The following ZBTB39 variants were observed in gnomAD, a reference collection of about 807,000 sequenced individuals.
ZBTB39 encodes the protein zinc finger and BTB domain-containing protein 39.
Under a neutral mutation model 39.4 loss-of-function variants are expected in ZBTB39, and 25 were observed. That is an observed-to-expected ratio of 0.63 (90% CI 0.46 to 0.89). The LOEUF is 0.89. ZBTB39 is among the 40% of genes least tolerant of loss of function. The pLI, the probability that ZBTB39 is intolerant of heterozygous loss-of-function variation, is 0.00. For synonymous variants in ZBTB39, 373 were observed against 359.6 expected, an observed-to-expected ratio of 1.04 and a Z score of -0.42; for missense variants, 891 against 909.7, an observed-to-expected ratio of 0.98 and a Z score of 0.26.
chr12:57,003,664 G>A lies in ZBTB39; in HGVS notation c.1254C>T (p.His418=). ...TGTTCTCAAATATTCCATCCCGTCGGTGAAGGGTCAGCTGCCACTGGGTAA... is the reference window on the plus strand; with the variant it reads ...TGTTCTCAAATATTCCATCCCGTCGATGAAGGGTCAGCTGCCACTGGGTAA... ...KFFTQWQLTL[H]RRDGIFENNI... The change falls in exon 2 of 2, where the codon CAC becomes CAT. Residue 418 remains histidine (H), a synonymous_variant. Transcript: ENST00000300101. This position sits in a 1 kb window ranked among gnomAD's most constrained non-coding sequence, Gnocchi z 4.8. 6.2e-7 allele frequency: 1 copy of A among 1,614,210 alleles called. No individual in the cohort carries two copies. Among genetic ancestry groups the A allele is most frequent in the Non-Finnish European group, 8.5e-7 (1 of 1,180,054 alleles).
In ZBTB39 at chr12:57,000,071, T is replaced by G. The variant is rs1170115366; in HGVS notation, c.*2708A>C. 1 of 152,260 alleles carries G rather than the reference T, an allele frequency of 6.6e-6. No individual in the cohort carries two copies. The highest frequency in any genetic ancestry group is 2.4e-5 in the African/African-American group (1 of 41,410). 9.4% of individuals were successfully genotyped at this position (152,260 alleles called of 1,614,324 possible). On this transcript the variant is annotated 3_prime_UTR_variant, in exon 2 of 2. Coordinates refer to ENST00000300101, the MANE Select transcript of ZBTB39 (RefSeq NM_014830.3). ...CTACCAGGTATCCCAGGGTGCCCTC[T>G]GCCACAATATAGTGTTTCAAGCAAA...
rs944007439 is a variant in ZBTB39 at position 57,006,423 on chromosome 12, G to A, written c.-63C>T. 6.7e-6 allele frequency: 1 copy of A among 150,256 alleles called. No homozygotes were observed. The highest frequency in any genetic ancestry group is 2.4e-5 in the African/African-American group (1 of 41,200). The allele number at this position is 150,256 out of a possible 1,614,324, so 9.3% of individuals were successfully genotyped here. A position where few individuals can be genotyped will look rare whatever the true frequency, so the allele number is the denominator to read the frequency against. On this transcript the variant is annotated 5_prime_UTR_variant, in exon 1 of 2. Coordinates refer to ENST00000300101, the MANE Select transcript of ZBTB39 (RefSeq NM_014830.3). ...CGCTTACCCGGCTCTGCGGCGCCCC[G>A]AGCACCATCGCCGCCGCCGCTTCAC...
At position 57,003,181 on chromosome 12, in the gene ZBTB39, G is replaced by C. The variant is rs764845989; in HGVS notation, c.1737C>G (p.Leu579=). 1.7e-5 allele frequency: 27 copies of C among 1,613,948 alleles called. No homozygotes were observed. In the East Asian group the frequency reaches 5.3e-4, roughly 32 times the overall value. Residue 579 remains leucine, a synonymous_variant, in exon 2 of 2, where the codon CTC becomes CTG. Transcript: ENST00000300101. The surrounding 1 kb of genome is among the most constrained non-coding windows in gnomAD (Gnocchi z 4.8). ...RPGFGLQHPA[L]QKRKLPAEEF... is the part of the protein sequence containing the mutation. ...CCTCTGCTGGCAGCTTCCGCTTCTG[G>C]AGAGCTGGGTGCTGCAGCCCAAAAC...
At position 57,000,157 on chromosome 12, in the gene ZBTB39, G is replaced by A. The variant is rs1956201695; in HGVS notation, c.*2622C>T. 6.6e-6 allele frequency: 1 copy of A among 152,596 alleles called. No homozygotes were observed. The highest frequency in any genetic ancestry group is 1.5e-5 in the Non-Finnish European group (1 of 68,082). 9.5% of individuals were successfully genotyped at this position (152,596 alleles called of 1,614,324 possible). On this transcript the variant is annotated 3_prime_UTR_variant, in exon 2 of 2. Transcript: ENST00000300101. ...GCAGACATGACTTTGGTGGGGTGGG[G>A]GGAAACGGGAAGTTCAGGTGTGAAT...
Position 57,004,798 on chromosome 12 carries a change from G to A in ZBTB39, c.120C>T (p.Ser40=). 1.2e-6 allele frequency: 2 copies of A among 1,614,196 alleles called. No homozygotes were observed. The highest frequency in any genetic ancestry group is 2.2e-5 in the South Asian group (2 of 91,074). ...CCAGCACAGCCTTGTGGGCCGGGAA[G>A]GAGCGGCTCCCCACCACAATGGTGA... ...CDVTIVVGSR[S]FPAHKAVLAC... Residue 40 remains serine, a synonymous_variant, in exon 2 of 2, where the codon TCC becomes TCT. Transcript: ENST00000300101.
At chr12:57,006,303 G>C (rs1450822039) in intron 1 of ZBTB39, 102 bp downstream of exon 1, 1 of 152,730 alleles carries the variant, frequency 6.5e-6, no homozygotes, top group Non-Finnish European at 1.5e-5. Flanking sequence ...GATGGGTCCG[G>C]CCGAAGGGAG....
At position 57,002,882 on chromosome 12, in the gene ZBTB39, T is replaced by C; in HGVS notation, c.2036A>G (p.His679Arg). ...YSSTLNLMSK[H>R]VGVHKGSLPP... ...GAGGCTGCCTTTGTGCACACCAACA[T>C]GTTTGCTCATGAGGTTAAGGGTGGA... is the stretch of plus-strand genomic sequence containing the variant. Residue 679 changes from histidine to arginine, a missense_variant, in exon 2 of 2, where the codon CAT becomes CGT. His to Arg is a conservative substitution (Grantham distance 29). Transcript: ENST00000300101. 1 of 1,614,122 alleles carries C rather than the reference T, an allele frequency of 6.2e-7. No homozygotes were observed. The highest frequency in any genetic ancestry group is 8.5e-7 in the Non-Finnish European group (1 of 1,180,010).
At position 57,003,138 on chromosome 12, in the gene ZBTB39, G is replaced by A. The variant is rs992339299; in HGVS notation, c.1780C>T (p.Leu594=). The A allele has an allele frequency of 1.4e-5, 22 of 1,614,172 alleles. No individual in the cohort carries two copies. Among genetic ancestry groups the A allele is most frequent in the Non-Finnish European group, 1.9e-5 (22 of 1,180,046 alleles). The stretch of plus-strand genomic sequence containing the variant: ...TTCCCAGGTTGGCCCTGCAGCGCCA[G>A]CTCTTCACCCAGAAACTCCTCTGCT... ...LPAEEFLGEE[L]ALQGQPGNSK... is the part of the protein sequence containing the mutation. Residue 594 remains leucine, a synonymous_variant, in exon 2 of 2, where the codon CTG becomes TTG. Transcript: ENST00000300101. This position sits in a 1 kb window ranked among gnomAD's most constrained non-coding sequence, Gnocchi z 4.8.
Position 57,002,084 on chromosome 12 carries a change from C to T in ZBTB39, c.*695G>A, listed in dbSNP as rs1189511140. The T allele has an allele frequency of 6.5e-6, 1 of 152,724 alleles. No homozygotes were observed. Among genetic ancestry groups the T allele is most frequent in the Non-Finnish European group, 1.5e-5 (1 of 68,070 alleles). 9.5% of individuals were successfully genotyped at this position (152,724 alleles called of 1,614,324 possible). A position where few individuals can be genotyped will look rare whatever the true frequency, so the allele number is the denominator to read the frequency against. On this transcript the variant is annotated 3_prime_UTR_variant, in exon 2 of 2. Coordinates refer to ENST00000300101, the MANE Select transcript of ZBTB39 (RefSeq NM_014830.3). The stretch of plus-strand genomic sequence containing the variant: ...CCTCTCCTGTCCATCCAGGCTGCCA[C>T]TTCTGGTGGCACTGCAGGACACCCC...
At position 57,002,186 on chromosome 12, in the gene ZBTB39, CAA is replaced by C. The variant is rs1565629854; in HGVS notation, c.*591_*592del. ...CTGTGCCTAGTATGGATCTAGCTGC[CAA>C]AAGATTTTCACTGTTCAATCAGCAG... is the stretch of plus-strand genomic sequence containing the variant. On this transcript the variant is annotated 3_prime_UTR_variant, in exon 2 of 2. Transcript: ENST00000300101. 1 of 153,252 alleles carries C rather than the reference CAA, an allele frequency of 6.5e-6. No individual in the cohort carries two copies. The highest frequency in any genetic ancestry group is 2.4e-5 in the African/African-American group (1 of 41,426). 9.5% of individuals were successfully genotyped at this position (153,252 alleles called of 1,614,324 possible).
In ZBTB39 at chr12:56,999,053, C is replaced by T. The variant is rs567846843; in HGVS notation, c.*3726G>A. On this transcript the variant is annotated 3_prime_UTR_variant, in exon 2 of 2. Transcript: ENST00000300101. ...AAGGAGTTAGACGTCAACAACTCTTCTCTGTTTCATAAGAGACTTTAGCTA... is the reference window on the plus strand; with the variant it reads ...AAGGAGTTAGACGTCAACAACTCTTTTCTGTTTCATAAGAGACTTTAGCTA... The T allele has an allele frequency of 6.6e-6, 1 of 152,664 alleles. No individual in the cohort carries two copies. Among genetic ancestry groups the T allele is most frequent in the South Asian group, 2.1e-4 (1 of 4,822 alleles). The allele number at this position is 152,664 out of a possible 1,614,324, so 9.5% of individuals were successfully genotyped here. A position where few individuals can be genotyped will look rare whatever the true frequency, so the allele number is the denominator to read the frequency against.
chr12:57,003,436 G>C lies in ZBTB39; in HGVS notation c.1482C>G (p.Ser494Arg), dbSNP rs1956223129. Residue 494 changes from serine to arginine, a missense_variant, in exon 2 of 2, where the codon AGC (serine) becomes AGG (arginine). Ser to Arg is a moderately radical substitution (Grantham distance 110). Transcript: ENST00000300101. This position sits in a 1 kb window ranked among gnomAD's most constrained non-coding sequence, Gnocchi z 4.8. ...GATGGGACAGCGTGTGCCACATGAGGCTGCAGAGGTTAAGGTGACGCTGGT... is the reference window on the plus strand; with the variant it reads ...GATGGGACAGCGTGTGCCACATGAGCCTGCAGAGGTTAAGGTGACGCTGGT... ...VCDQRHLNLC[S>R]LMWHTLSHLG... 1 of 1,614,010 alleles carries C rather than the reference G, an allele frequency of 6.2e-7. No homozygotes were observed. The highest frequency in any genetic ancestry group is 1.7e-5 in the Admixed American group (1 of 60,012).
chr12:57,003,969 C>T lies in ZBTB39; in HGVS notation c.949G>A (p.Glu317Lys), dbSNP rs747050745. 7.4e-6 allele frequency: 12 copies of T among 1,614,270 alleles called. No homozygotes were observed. In the East Asian group the frequency reaches 2.7e-4, roughly 36 times the overall value. Residue 317 changes from glutamate (E) to lysine (K), a missense_variant, in exon 2 of 2, where the codon GAG becomes AAG. Coordinates refer to ENST00000300101, the MANE Select transcript of ZBTB39 (RefSeq NM_014830.3). The surrounding 1 kb of genome is among the most constrained non-coding windows in gnomAD (Gnocchi z 4.8). ...EDPAEDIGTT[E>K]EVIELSDDSE... ...TCATCACTCAGCTCAATCACCTCCT[C>T]AGTTGTGCCTATATCCTCAGCAGGG...
Position 57,004,752 on chromosome 12 carries a change from G to A in ZBTB39, c.166C>T (p.Gln56Ter), listed in dbSNP as rs1426940725. 1 of 1,614,196 alleles carries A rather than the reference G, an allele frequency of 6.2e-7. No homozygotes were observed. Among genetic ancestry groups the A allele is most frequent in the Non-Finnish European group, 8.5e-7 (1 of 1,180,012 alleles). ...AGCCCAGTATTCAGGAAGAGGTTCTGGAAGTAGCCAGCTGCACAGGCCAGC... is the reference window on the plus strand; with the variant it reads ...AGCCCAGTATTCAGGAAGAGGTTCTAGAAGTAGCCAGCTGCACAGGCCAGC... ...AVLACAAGYF[Q>*]NLFLNTGLDA... Residue 56 changes from glutamine to a stop codon, truncating the protein, a stop_gained, in exon 2 of 2, where the codon CAG becomes TAG. Coordinates refer to ENST00000300101, the MANE Select transcript of ZBTB39 (RefSeq NM_014830.3). LOFTEE classifies it high-confidence loss of function.
chr12:57,003,569 T>A lies in ZBTB39; in HGVS notation c.1349A>T (p.Glu450Val), dbSNP rs775181305. Residue 450 changes from glutamate to valine, a missense_variant, in exon 2 of 2, where the codon GAG becomes GTG. By Grantham distance (121) the Glu-to-Val change is moderately radical. Coordinates refer to ENST00000300101, the MANE Select transcript of ZBTB39 (RefSeq NM_014830.3). This position sits in a 1 kb window ranked among gnomAD's most constrained non-coding sequence, Gnocchi z 4.8. ...TTTCCCACAGGCAGCGCATTTCAGC[T>A]CTGGGGAGGCTGCCCCTGAAAAGAG... ...LGLFSGAASP[E>V]LKCAACGKVL... is the part of the protein sequence containing the mutation. 11 of 1,613,986 alleles carry A rather than the reference T, an allele frequency of 6.8e-6. No homozygotes were observed. The highest frequency in any genetic ancestry group is 1.7e-5 in the Admixed American group (1 of 60,000).
chr12:57,004,380 C>G lies in ZBTB39; in HGVS notation c.538G>C (p.Gly180Arg), dbSNP rs774023562. The change falls in exon 2 of 2, where the codon GGG becomes CGG. Residue 180 changes from glycine to arginine, a missense_variant. Gly to Arg is a moderately radical substitution (Grantham distance 125). Transcript: ENST00000300101. ...RNYVLPSDAG[G>R]SYKEEEKNVA... ...TTCTTCTCTTCCTCTTTATAGCTCC[C>G]TCCAGCATCACTGGGCAACACATAG... The G allele has an allele frequency of 2.5e-6, 4 of 1,614,064 alleles. No individual in the cohort carries two copies. In the Admixed American group the frequency reaches 5.0e-5, roughly 20 times the overall value.
intron 1 of ZBTB39, among the ~76,000 whole-genome samples, chr12:57,005,955 G>A (rs1244150257): frequency 2.0e-5 from 3 of 152,200 alleles, no homozygotes; most frequent in African/African-American, 7.2e-5. Flanking sequence ...GTATTGTGGG[G>A]TACCGGCCAA....
chr12:57,005,835 G>C (rs1477464439), intron 1 of ZBTB39, among the ~76,000 whole-genome samples: 1 of 152,208 alleles, frequency 6.6e-6, no homozygotes. Flanking sequence ...AGGAAGAAGA[G>C]CTACTTGCAT....
rs1397034614 is a variant in ZBTB39 at position 57,002,337 on chromosome 12, T to A, written c.*442A>T. ...AATGATCACATTCCCAAAATCTTTC[T>A]CATTGCTGGTCATCCCAGTTGGAGG... On this transcript the variant is annotated 3_prime_UTR_variant, in exon 2 of 2. Transcript: ENST00000300101. 1 of 166,770 alleles carries A rather than the reference T, an allele frequency of 6.0e-6. No homozygotes were observed. The allele number at this position is 166,770 out of a possible 1,614,324, so 10.3% of individuals were successfully genotyped here.
Sources: gnomAD v4.1 joint callset for allele counts (sites outside exome capture counted in the v4.1 genomes callset) on GRCh38, gnomAD v4.1.1 for gene constraint, Gnocchi (gnomAD v3.1) non-coding constraint, MANE v1.5 for transcripts, NCBI Gene and HGNC (gene_info 2026-07-23, HGNC 2026-07-21) for gene names.